TMEM59L: variants seen among roughly 807,000 people sequenced by gnomAD.
TMEM59L encodes the protein transmembrane protein 59-like.
In TMEM59L, 31 loss-of-function variants were observed where a neutral mutation model predicts 39.6. That is an observed-to-expected ratio of 0.78 (90% CI 0.59 to 1.06). The LOEUF (loss-of-function observed/expected upper bound fraction) is 1.06, where lower values mean the gene tolerates loss of function less well. Among genes scored for constraint, TMEM59L ranks in the 50% least tolerant of loss-of-function variants. The pLI is 0.00. For missense variants in TMEM59L, 441 were observed against 451.3 expected, an observed-to-expected ratio of 0.98 and a Z score of 0.21; for synonymous variants, 219 against 202.9, an observed-to-expected ratio of 1.08 and a Z score of -0.68.
chr19:18,615,962 CT>C lies in TMEM59L; in HGVS notation c.409-7del. 2 of 1,611,704 alleles carry C rather than the reference CT, an allele frequency of 1.2e-6. No homozygotes were observed. Among genetic ancestry groups the C allele is most frequent in the Non-Finnish European group, 1.7e-6 (2 of 1,178,594 alleles). ...TCGGTGCCATCTTTGTGTCTTGGAC[CT>C]TTTTTCACCAGAGAAAGGTCCTGGA... On this transcript the variant is annotated splice_polypyrimidine_tract_variant and intron_variant, in intron 3 of 7. Transcript: ENST00000262817.
Position 18,613,149 on chromosome 19 carries a change from A to G in TMEM59L, c.171+20A>G, listed in dbSNP as rs777923741. The G allele has an allele frequency of 1.4e-5, 17 of 1,258,358 alleles. No homozygotes were observed. The highest frequency in any genetic ancestry group is 1.7e-5 in the Non-Finnish European group (17 of 1,003,584). The allele number at this position is 1,258,358 out of a possible 1,614,324, so 77.9% of individuals were successfully genotyped here. On this transcript the variant is annotated intron_variant, in intron 1 of 7. Transcript: ENST00000262817. ...TCGCAGGTGAGGCGCGTGCGGTGCC[A>G]GGTGCCAGCGGGGGACGCGGGATCT...
At position 18,620,950 on chromosome 19, in the gene TMEM59L, A is replaced by C. The variant is rs1976491753; in HGVS notation, c.*414A>C. On this transcript the variant is annotated 3_prime_UTR_variant, in exon 8 of 8. Transcript: ENST00000262817. The stretch of plus-strand genomic sequence containing the variant: ...CCGGTCTCCAGAGACCCAGCTTCTG[A>C]GAGACAGGGTGTGGGCATCTCCATG... The C allele has an allele frequency of 1.2e-5, 2 of 161,066 alleles. No homozygotes were observed. The highest frequency in any genetic ancestry group is 1.4e-5 in the Non-Finnish European group (1 of 73,444). The allele number at this position is 161,066 out of a possible 1,614,324, so 10.0% of individuals were successfully genotyped here. A position where few individuals can be genotyped will look rare whatever the true frequency, so the allele number is the denominator to read the frequency against.
intron 3 of TMEM59L, 104 bp from the exon 4 acceptor site, chr19:18,615,871 G>A: frequency 1.4e-6 from 2 of 1,429,138 alleles, no homozygotes; most frequent in Admixed American, 2.0e-5. Flanking sequence ...GCCTTCCAAA[G>A]TGTTGGGATT....
chr19:18,617,204 C>G (rs1568447036), intron 5 of TMEM59L, 102 bp downstream of exon 5: 6 of 874,826 alleles, frequency 6.9e-6, no homozygotes, highest in Non-Finnish European at 9.4e-6. Flanking sequence ...CTCCATCTCT[C>G]AAGTCCTGGG....
At chr19:18,619,963 G>C (rs1976475903) in intron 7 of TMEM59L, among the ~76,000 whole-genome samples, 1 of 144,754 alleles carries the variant, frequency 6.9e-6, no homozygotes, top group Admixed American at 7.1e-5. Context: ...GGACAACAGA[G>C]AAGACCCCAT....
Position 18,614,180 on chromosome 19 carries a change from T to A in TMEM59L, c.393T>A (p.Pro131=). 3 of 1,602,088 alleles carry A rather than the reference T, an allele frequency of 1.9e-6. No homozygotes were observed. The highest frequency in any genetic ancestry group is 2.6e-6 in the Non-Finnish European group (3 of 1,176,068). ...SHGCWSQPAE[P]EPEQKRKVLE... ...GCTGCTGGAGCCAGCCCGCGGAGCC[T>A]GAGCCGGAGCAGAAGGTGGGCCTCC... The change falls in exon 3 of 8, where the codon CCT becomes CCA. Residue 131 remains proline, a synonymous_variant. Coordinates refer to ENST00000262817, the MANE Select transcript of TMEM59L (RefSeq NM_012109.3).
At position 18,620,645 on chromosome 19, in the gene TMEM59L, C is replaced by T. The variant is rs1976486650; in HGVS notation, c.*109C>T. On this transcript the variant is annotated 3_prime_UTR_variant, in exon 8 of 8. Coordinates refer to ENST00000262817, the MANE Select transcript of TMEM59L (RefSeq NM_012109.3). ...GGGTCCAGCCTTGAGCCCCTCCACC[C>T]CCAAATCCTTCCTCTCCTCCCAGTC... 1.4e-6 allele frequency: 2 copies of T among 1,408,996 alleles called. No individual in the cohort carries two copies. The highest frequency in any genetic ancestry group is 9.3e-7 in the Non-Finnish European group (1 of 1,073,168). The allele number at this position is 1,408,996 out of a possible 1,614,324, so 87.3% of individuals were successfully genotyped here. A position where few individuals can be genotyped will look rare whatever the true frequency, so the allele number is the denominator to read the frequency against.
At chr19:18,619,793 G>A (rs1443712278) in intron 7 of TMEM59L, among the ~76,000 whole-genome samples, 2 of 143,580 alleles carry the variant, frequency 1.4e-5, no homozygotes, top group Admixed American at 7.1e-5. Context: ...GACAGAGCGA[G>A]ACTCCATCTC....
chr19:18,618,413 T>C lies in TMEM59L; in HGVS notation c.821T>C (p.Leu274Pro). Residue 274 changes from leucine to proline, a missense_variant, in exon 7 of 8, where the codon CTC becomes CCC. Physicochemically the swap from Leu to Pro is moderately conservative, Grantham distance 98. Coordinates refer to ENST00000262817, the MANE Select transcript of TMEM59L (RefSeq NM_012109.3). ...CCTCGCTGGATCCTGGCCTGCTGCC[T>C]CTTCCTCTCCGTGCTGGTGATGCTG... ...GLPRWILACC[L>P]FLSVLVMLWL... The C allele has an allele frequency of 6.2e-7, 1 of 1,608,100 alleles. No individual in the cohort carries two copies.
rs763640907 is a variant in TMEM59L, at chr19:18,617,067, G to A, written c.629G>A (p.Arg210Gln). The stretch of plus-strand genomic sequence containing the variant: ...CTGCAGCGCGTGGAGGTGACCTGGC[G>A]AGGCTCCCACCCTGAAGCCCTGGAG... Reference protein sequence around the residue: ...GRLQRVEVTWRGSHPEALEVH... With the variant: ...GRLQRVEVTWQGSHPEALEVH... Residue 210 changes from arginine (R) to glutamine (Q), a missense_variant, in exon 5 of 8, where the codon CGA (arginine) becomes CAA (glutamine). By Grantham distance (43) the Arg-to-Gln change is conservative (BLOSUM62 1). Transcript: ENST00000262817. 6.8e-6 allele frequency: 11 copies of A among 1,613,278 alleles called. No homozygotes were observed. The South Asian group carries it at 8.8e-5, about 13-fold the overall frequency.
chr19:18,618,072 C>A, intron 5 of TMEM59L, 83 bp from the exon 6 acceptor site: 2 of 1,039,966 alleles, frequency 1.9e-6, no homozygotes, highest in South Asian at 2.6e-5. Context: ...TGCCCCAGGT[C>A]CTGACCTCCT....
chr19:18,616,386 T>TG (rs200144888), intron 4 of TMEM59L, among the ~76,000 whole-genome samples: 70,646 of 148,852 alleles, frequency 0.47, 16,596 homozygotes, highest in East Asian at 0.63. Flanking sequence ...TGTGGTTTTT[T>TG]TTTGTTGTTG....
Position 18,612,942 on chromosome 19 carries a change from C to G in TMEM59L, c.-17C>G. The G allele has an allele frequency of 7.7e-7, 1 of 1,295,604 alleles. No homozygotes were observed. The highest frequency in any genetic ancestry group is 9.7e-7 in the Non-Finnish European group (1 of 1,026,064). The allele number at this position is 1,295,604 out of a possible 1,614,324, so 80.3% of individuals were successfully genotyped here. A position where few individuals can be genotyped will look rare whatever the true frequency, so the allele number is the denominator to read the frequency against. On this transcript the variant is annotated 5_prime_UTR_variant, in exon 1 of 8. Transcript: ENST00000262817. The surrounding 1 kb of genome is among the most constrained non-coding windows in gnomAD (Gnocchi z 6.2). ...CCTGAGCTGGAGTCCCCCGCGCCCC[C>G]CGCGTTCCGCCCGGCCATGGCTGCG...
chr19:18,617,525 G>A, intron 5 of TMEM59L: 1 of 458,994 alleles, frequency 2.2e-6, no homozygotes, highest in South Asian at 1.6e-5. Flanking sequence ...CCTGGGTTCT[G>A]TGGCCCATCT....
At chr19:18,614,302 C>T in intron 3 of TMEM59L, 107 bp downstream of exon 3, 1 of 1,308,552 alleles carries the variant, frequency 7.6e-7, no homozygotes, top group Non-Finnish European at 1.1e-6. Context: ...ACTCTGCGTT[C>T]TATACCAGGC....
intron 5 of TMEM59L, chr19:18,617,936 T>G: frequency 1.7e-6 from 1 of 582,434 alleles, no homozygotes; most frequent in Non-Finnish European, 3.1e-6. Flanking sequence ...TCTCCTAGGA[T>G]TCTGCAGTTC....
chr19:18,614,340 T>C, intron 3 of TMEM59L, 145 bp downstream of exon 3: 1 of 876,106 alleles, frequency 1.1e-6, no homozygotes, highest in Non-Finnish European at 1.7e-6. Flanking sequence ...TCCAGCCCCG[T>C]CATGTCTCCA....
At chr19:18,619,334 C>T (rs1976468675) in intron 7 of TMEM59L, among the ~76,000 whole-genome samples, 1 of 152,152 alleles carries the variant, frequency 6.6e-6, no homozygotes, top group Non-Finnish European at 1.5e-5. Flanking sequence ...CTTCACTGCC[C>T]TTTGAATTGG....
At chr19:18,613,478 A>C (rs1371041380) in intron 1 of TMEM59L, among the ~76,000 whole-genome samples, 6 of 114,662 alleles carry the variant, frequency 5.2e-5, no homozygotes, top group South Asian at 2.8e-4. Flanking sequence ...TTCCCTCCCC[A>C]CTCAGAGCTA....
Sources: allele counts gnomAD v4.1 joint callset (sites outside exome capture counted in the v4.1 genomes callset), GRCh38; gene constraint gnomAD v4.1.1; non-coding constraint Gnocchi (gnomAD v3.1); transcripts MANE v1.5; gene names NCBI Gene and HGNC (gene_info 2026-07-23, HGNC 2026-07-21).